The following CCDC83 variants were observed in gnomAD, a reference collection of about 807,000 sequenced individuals.
The protein encoded by CCDC83 is coiled-coil domain-containing protein 83.
CCDC83 carries 54 observed loss-of-function variants against 50.1 expected under a neutral mutation model. The ratio of observed to expected loss-of-function variants is 1.08; its 90% confidence interval spans 0.87 to 1.35. The LOEUF (loss-of-function observed/expected upper bound fraction) is 1.35. CCDC83 is among the 40% of genes most tolerant of loss of function. The probability of loss-of-function intolerance (pLI) is 0.00; values close to 1 mark genes in which losing one functional copy is unlikely to be tolerated. For missense variants in CCDC83, 518 were observed against 473.9 expected (o/e 1.09, Z -0.86); for synonymous variants, 161 against 153.3 (o/e 1.05, Z -0.37).
chr11:85,888,148 A>G (rs1311521569), intron 5 of CCDC83, among the ~76,000 whole-genome samples: 2 of 152,174 alleles, frequency 1.3e-5, no homozygotes, highest in Non-Finnish European at 2.9e-5. Flanking sequence ...TCTTGTATTT[A>G]TGTCATTTCA....
At chr11:85,857,640 G>A (rs1346209367) in intron 1 of CCDC83, among the ~76,000 whole-genome samples, 1 of 152,212 alleles carries the variant, frequency 6.6e-6, no homozygotes, top group Non-Finnish European at 1.5e-5. Flanking sequence ...CCGTCACCAA[G>A]AGCAAGTTTG....
chr11:85,882,630 A>G lies in CCDC83; in HGVS notation c.298A>G (p.Lys100Glu). Residue 100 changes from lysine to glutamate, a missense_variant, in exon 4 of 11, where the codon AAG becomes GAG. By Grantham distance (56) the Lys-to-Glu change is moderately conservative. Coordinates refer to ENST00000342404, the MANE Select transcript of CCDC83 (RefSeq NM_001286159.2). ...VTREDVEEAM[K>E]EKWKFERDQE... The stretch of plus-strand genomic sequence containing the variant: ...AAGAGAGGATGTTGAAGAAGCGATG[A>G]AGGAAAAATGGAAGTTTGAAAGAGA... 1 of 1,614,086 alleles carries G rather than the reference A, an allele frequency of 6.2e-7. No homozygotes were observed. The highest frequency in any genetic ancestry group is 8.5e-7 in the Non-Finnish European group (1 of 1,179,954).
chr11:85,908,845 T>C (rs1264795096), intron 7 of CCDC83, among the ~76,000 whole-genome samples: 1 of 151,804 alleles, frequency 6.6e-6, no homozygotes, highest in Non-Finnish European at 1.5e-5. Context: ...CCTCAGGAGG[T>C]TGAAGCTAAA....
rs78105159 is a variant in CCDC83 at position 85,872,207 on chromosome 11, G to A, written c.96-1004G>A. On this transcript the variant is annotated intron_variant, in intron 2 of 10. Transcript: ENST00000342404. ...TCCTCAAGAGATCCACCTGCTGGCC[G>A]GGCACGGTGGCTCACACCTGTAACC... Among the ~76,000 whole-genome samples, 144 of 152,150 alleles carry A rather than the reference G, an allele frequency of 9.5e-4. 1 individual carries two copies. Among genetic ancestry groups the A allele is most frequent in the African/African-American group, 3.1e-3 (127 of 41,546 alleles).
intron 4 of CCDC83, among the ~76,000 whole-genome samples, chr11:85,884,149 G>GTCA (rs1209135757): frequency 1.3e-5 from 2 of 152,186 alleles, no homozygotes; most frequent in Non-Finnish European, 2.9e-5. Context: ...ATGGGGATGT[G>GTCA]TCATACAAGA....
intron 3 of CCDC83, among the ~76,000 whole-genome samples, chr11:85,880,985 G>C (rs1254619710): frequency 6.6e-6 from 1 of 152,176 alleles, no homozygotes; most frequent in Non-Finnish European, 1.5e-5. Context: ...AATAAACTGT[G>C]TTTGGTGTGC....
intron 3 of CCDC83, among the ~76,000 whole-genome samples, chr11:85,878,770 C>A (rs1377729209): frequency 1.3e-5 from 2 of 152,174 alleles, no homozygotes; most frequent in African/African-American, 2.4e-5. Context: ...TCCAAACTGG[C>A]TGTACCTTTT....
intron 3 of CCDC83, among the ~76,000 whole-genome samples, chr11:85,876,879 A>C (rs902185830): frequency 6.6e-6 from 1 of 152,112 alleles, no homozygotes; most frequent in Non-Finnish European, 1.5e-5. Flanking sequence ...AACAAAATCA[A>C]TCTTTTTTTT....
chr11:85,890,898 T>C (rs980352371), intron 5 of CCDC83, among the ~76,000 whole-genome samples: 1 of 152,222 alleles, frequency 6.6e-6, no homozygotes, highest in Non-Finnish European at 1.5e-5. Flanking sequence ...ATTTACCATA[T>C]ATTTTATTGA....
chr11:85,894,746 A>C (rs2093364839), intron 5 of CCDC83, among the ~76,000 whole-genome samples: 1 of 152,166 alleles, frequency 6.6e-6, no homozygotes, highest in Non-Finnish European at 1.5e-5. Flanking sequence ...CTTGATAGTT[A>C]CTTGTTGAAA....
At chr11:85,912,165 C>G (rs755646930) in intron 8 of CCDC83, among the ~76,000 whole-genome samples, 10 of 152,106 alleles carry the variant, frequency 6.6e-5, no homozygotes, top group Non-Finnish European at 1.3e-4. Context: ...AGAGAAATGT[C>G]TAGGTCTAGG....
intron 1 of CCDC83, among the ~76,000 whole-genome samples, chr11:85,859,554 A>T (rs1323502922): frequency 6.6e-6 from 1 of 152,258 alleles, no homozygotes; most frequent in Non-Finnish European, 1.5e-5. Flanking sequence ...AGAGTCAATG[A>T]TAACAAACAA....
At chr11:85,905,390 C>T (rs539019839) in intron 7 of CCDC83, among the ~76,000 whole-genome samples, 1 of 144,182 alleles carries the variant, frequency 6.9e-6, no homozygotes, top group Non-Finnish European at 1.5e-5. Context: ...TGCAGTGAGC[C>T]GAGATTGCGC....
rs185825857 is a variant in CCDC83, at chr11:85,915,879, A to T, written c.875-149A>T. ...GAAATACAACTTAGAGTTTCTACAA[A>T]TGGGACTCCCTCTTACTTTAATACA... On this transcript the variant is annotated intron_variant, in intron 9 of 10. Coordinates refer to ENST00000342404, the MANE Select transcript of CCDC83 (RefSeq NM_001286159.2). The T allele has an allele frequency of 1.1e-4, 71 of 623,684 alleles. No homozygotes were observed. In the African/African-American group the frequency reaches 1.2e-3, roughly 11 times the overall value. 38.6% of individuals were successfully genotyped at this position (623,684 alleles called of 1,614,324 possible). A position where few individuals can be genotyped will look rare whatever the true frequency, so the allele number is the denominator to read the frequency against.
chr11:85,886,128 C>T, intron 4 of CCDC83, 72 bp from the exon 5 acceptor site: 1 of 1,248,404 alleles, frequency 8.0e-7, no homozygotes, highest in Non-Finnish European at 1.1e-6. Flanking sequence ...ATCTTAACTT[C>T]TTAAAACCAG....
chr11:85,869,148 C>G (rs565620437), intron 2 of CCDC83, among the ~76,000 whole-genome samples: 2 of 152,300 alleles, frequency 1.3e-5, no homozygotes, highest in East Asian at 3.9e-4. Flanking sequence ...TCTTTCTTAC[C>G]CACTGGTGAG....
chr11:85,900,882 T>C (rs566730091), intron 7 of CCDC83, among the ~76,000 whole-genome samples: 1 of 151,970 alleles, frequency 6.6e-6, no homozygotes, highest in East Asian at 1.9e-4. Context: ...CTGGCCAACA[T>C]GGCAAAACCT....
At position 85,864,622 on chromosome 11, in the gene CCDC83, C is replaced by T. The variant is rs573389365; in HGVS notation, c.-28-474C>T. 3.9e-5 allele frequency among the ~76,000 whole-genome samples: 6 copies of T among 152,294 alleles called. No homozygotes were observed. In the South Asian group the frequency reaches 1.0e-3, roughly 26 times the overall value. ...CTGTTTGTAACAACCCTGCCCAAAC[C>T]TAATTTTTTTGGATCCTGATTCTAA... On this transcript the variant is annotated intron_variant, in intron 1 of 10. Transcript: ENST00000342404.
chr11:85,892,288 C>T (rs867248903), intron 5 of CCDC83, among the ~76,000 whole-genome samples: 3 of 152,158 alleles, frequency 2.0e-5, no homozygotes, highest in Non-Finnish European at 4.4e-5. Flanking sequence ...CAAGCTCCCC[C>T]TTGCAGTGTT....
Sources: allele counts gnomAD v4.1 joint callset (sites outside exome capture counted in the v4.1 genomes callset), GRCh38; gene constraint gnomAD v4.1.1; transcripts MANE v1.5; gene names NCBI Gene and HGNC (gene_info 2026-07-23, HGNC 2026-07-21).